The following TRDN variants were observed in gnomAD, a reference collection of about 807,000 sequenced individuals.
The protein encoded by TRDN is triadin.
In TRDN, 161 loss-of-function variants were observed where a neutral mutation model predicts 149.7. The ratio of observed to expected loss-of-function variants is 1.08; its 90% CI spans 0.95 to 1.23. The LOEUF (loss-of-function observed/expected upper bound fraction) is 1.23. Among genes scored for constraint, TRDN ranks in the 50% most tolerant of loss-of-function variants. TRDN has a pLI of 0.00. For missense variants in TRDN, 896 were observed against 823.5 expected, an observed-to-expected ratio of 1.09 and a Z score of -1.08; for synonymous variants, 294 against 250.5, an observed-to-expected ratio of 1.17 and a Z score of -1.64.
intron 38 of TRDN, among the ~76,000 whole-genome samples, chr6:123,247,257 A>G (rs1334214524): frequency 2.6e-5 from 4 of 152,214 alleles, no homozygotes; most frequent in African/African-American, 7.2e-5. Flanking sequence ...AACCAGGGCA[A>G]TCAGGCAAGA....
At chr6:123,578,899 C>T (rs2317711) in intron 1 of TRDN, among the ~76,000 whole-genome samples, 53,579 of 151,790 alleles carry the variant, frequency 0.35, 9,930 homozygotes, top group Middle Eastern at 0.4. Flanking sequence ...GTGGTTTTTT[C>T]GTGTGTGTGG....
chr6:123,237,076 T>G (rs900545193), intron 38 of TRDN, among the ~76,000 whole-genome samples: 1 of 152,116 alleles, frequency 6.6e-6, no homozygotes, highest in Non-Finnish European at 1.5e-5. Context: ...TTAATAATTT[T>G]TATCATCACC....
At chr6:123,588,489 G>C (rs2114610586) in intron 1 of TRDN, among the ~76,000 whole-genome samples, 1 of 152,320 alleles carries the variant, frequency 6.6e-6, no homozygotes, top group South Asian at 2.1e-4. Context: ...CCTGGGCAGA[G>C]AGGAAGGAGC....
chr6:123,366,171 C>T lies in TRDN; in HGVS notation c.1285G>A (p.Ala429Thr), dbSNP rs1318215796. Residue 429 changes from alanine (A) to threonine (T), a missense_variant, in exon 20 of 41, where the codon GCC becomes ACC. Ala to Thr is a moderately conservative substitution (Grantham distance 58). Coordinates refer to ENST00000334268, the MANE Select transcript of TRDN (RefSeq NM_006073.4). The stretch of plus-strand genomic sequence containing the variant: ...GAAACCGCACCAATCTCCTCTTTGG[C>T]TCGTTCAGTTTCTGCAAGTTCAGAT... The part of the protein sequence containing the change: ...DKQVKAKTER[A>T]KEEIGAVSIK... The T allele has an allele frequency of 6.2e-7, 1 of 1,612,868 alleles. No individual in the cohort carries two copies. The highest frequency in any genetic ancestry group is 1.1e-5 in the South Asian group (1 of 91,000).
chr6:123,584,717 A>G (rs1405947451), intron 1 of TRDN, among the ~76,000 whole-genome samples: 7 of 152,178 alleles, frequency 4.6e-5, no homozygotes, highest in African/African-American at 1.4e-4. Flanking sequence ...GGTCAGTCCA[A>G]GTGAAAGCCA....
chr6:123,435,253 G>A (rs1356043874), intron 12 of TRDN, among the ~76,000 whole-genome samples: 2 of 151,824 alleles, frequency 1.3e-5, no homozygotes, highest in East Asian at 3.9e-4. Flanking sequence ...CTACAGTAGT[G>A]AGATCATATG....
At chr6:123,417,978 G>A (rs1399610029) in intron 12 of TRDN, among the ~76,000 whole-genome samples, 19 of 152,108 alleles carry the variant, frequency 1.2e-4, no homozygotes, top group Non-Finnish European at 2.9e-5. Context: ...TGTAACAGTG[G>A]CTATTTTTGT....
rs1582969010 is a variant in TRDN, at chr6:123,399,022, CTT to C, written c.1052-5347_1052-5346del. Among the ~76,000 whole-genome samples, 3 of 152,178 alleles carry C rather than the reference CTT, an allele frequency of 2.0e-5. No homozygotes were observed. In the East Asian group the frequency reaches 5.8e-4, roughly 29 times the overall value. ...ATCTAAGTAGCTTTTACCTTAATAA[CTT>C]AGCATTATAGTGTTTAATTCAGAAA... On this transcript the variant is annotated intron_variant, in intron 12 of 40. Coordinates refer to ENST00000334268, the MANE Select transcript of TRDN (RefSeq NM_006073.4).
At chr6:123,388,777 G>A (rs980522260) in intron 13 of TRDN, among the ~76,000 whole-genome samples, 4 of 152,084 alleles carry the variant, frequency 2.6e-5, no homozygotes, top group Non-Finnish European at 4.4e-5. Context: ...AATATATGGA[G>A]TTACGTAGAC....
intron 38 of TRDN, among the ~76,000 whole-genome samples, chr6:123,239,886 T>C (rs1775922428): frequency 2.0e-5 from 3 of 152,004 alleles, no homozygotes; most frequent in Admixed American, 6.6e-5. Context: ...ATTGCAAATG[T>C]CCATCAAGAG....
intron 38 of TRDN, among the ~76,000 whole-genome samples, chr6:123,243,527 G>A (rs1179732400): frequency 6.6e-6 from 1 of 152,056 alleles, no homozygotes; most frequent in African/African-American, 2.4e-5. Flanking sequence ...ACAATACAGA[G>A]AAGTCAGGAA....
At chr6:123,497,606 A>G (rs1160759427) in intron 8 of TRDN, among the ~76,000 whole-genome samples, 3 of 152,172 alleles carry the variant, frequency 2.0e-5, no homozygotes, top group South Asian at 2.1e-4. Flanking sequence ...TAAACTTTCA[A>G]TAATGAAACA....
At chr6:123,282,450 CAT>C (rs1777618413) in intron 24 of TRDN, among the ~76,000 whole-genome samples, 1 of 151,814 alleles carries the variant, frequency 6.6e-6, no homozygotes, top group South Asian at 2.1e-4. Context: ...ATAGATTTAA[CAT>C]ATTTTAACAG....
At chr6:123,270,342 A>T (rs963498831) in intron 30 of TRDN, among the ~76,000 whole-genome samples, 25 of 152,044 alleles carry the variant, frequency 1.6e-4, no homozygotes, top group Middle Eastern at 3.4e-3. Flanking sequence ...GAATAATTGG[A>T]TCTCTCCTGA....
intron 23 of TRDN, 89 bp from the exon 24 acceptor site, chr6:123,316,584 T>C (rs1037769623): frequency 1.1e-5 from 12 of 1,061,256 alleles, no homozygotes; most frequent in East Asian, 5.0e-5. Flanking sequence ...GATTAATAGG[T>C]AGGCTTCACT....
chr6:123,232,586 TG>T (rs1562221839), intron 38 of TRDN, among the ~76,000 whole-genome samples: 1 of 151,838 alleles, frequency 6.6e-6, no homozygotes, highest in African/African-American at 2.4e-5. Flanking sequence ...GAAACTCTTA[TG>T]GTAAGAACTG....
intron 7 of TRDN, among the ~76,000 whole-genome samples, chr6:123,508,862 T>C (rs1419647843): frequency 6.6e-6 from 1 of 152,214 alleles, no homozygotes; most frequent in Non-Finnish European, 1.5e-5. Flanking sequence ...TACTTTATGA[T>C]ATTTTCTATC....
chr6:123,591,032 A>ATCAGTAATATAAATTTG (rs1173721114), intron 1 of TRDN, among the ~76,000 whole-genome samples: 1 of 152,196 alleles, frequency 6.6e-6, no homozygotes, highest in Non-Finnish European at 1.5e-5. Context: ...ATCTTTAATT[A>ATCAGTAATATAAATTTG]TCAGTAATAT....
At chr6:123,543,460 G>A (rs1780953315) in intron 4 of TRDN, among the ~76,000 whole-genome samples, 1 of 152,126 alleles carries the variant, frequency 6.6e-6, no homozygotes, top group African/African-American at 2.4e-5. Flanking sequence ...TTCTGTATTA[G>A]TGATTAGCTA....
Sources: allele counts gnomAD v4.1 joint callset (sites outside exome capture counted in the v4.1 genomes callset), GRCh38; gene constraint gnomAD v4.1.1; transcripts MANE v1.5; gene names NCBI Gene and HGNC (gene_info 2026-07-23, HGNC 2026-07-21).